KCNQ1: variants seen among roughly 807,000 people sequenced by gnomAD.
KCNQ1 encodes potassium voltage-gated channel subfamily Q member 1, also known as potassium voltage-gated channel subfamily KQT member 1.
In KCNQ1, 49 loss-of-function variants were observed where a neutral mutation model predicts 72.4. The ratio of observed to expected loss-of-function variants is 0.68; its 90% CI spans 0.54 to 0.86. The LOEUF (loss-of-function observed/expected upper bound fraction) is 0.86, where lower values mean the gene tolerates loss of function less well. Among genes scored for constraint, KCNQ1 ranks in the 40% least tolerant of loss-of-function variants. The pLI is 0.00. For synonymous variants in KCNQ1, 450 were observed against 412.6 expected, an observed-to-expected ratio of 1.09 and a Z score of -1.10; for missense variants, 790 against 945.1, an observed-to-expected ratio of 0.84 and a Z score of 2.15.
Position 2,559,855 on chromosome 11 carries a change from CTG to C in KCNQ1, c.478-10771_478-10770del, listed in dbSNP as rs952423536. Among the ~76,000 whole-genome samples the C allele has an allele frequency of 1.3e-5, 2 of 151,944 alleles. No homozygotes were observed. Among genetic ancestry groups the C allele is most frequent in the African/African-American group, 2.4e-5 (1 of 41,350 alleles). ...TGGGCAGGGGCTCCTTCCTCCCTCT[CTG>C]TCTCTGGGGTCCCATGGGAAGTCAG... is the stretch of plus-strand genomic sequence containing the variant. On this transcript the variant is annotated intron_variant, in intron 2 of 15. Coordinates refer to ENST00000155840, the MANE Select transcript of KCNQ1 (RefSeq NM_000218.3). The surrounding 1 kb of genome is among the most constrained non-coding windows in gnomAD (Gnocchi z 4.9).
At chr11:2,649,149 A>G (rs463337) in intron 10 of KCNQ1, 43,135 of 397,544 alleles carry the variant, frequency 0.11, 2,596 homozygotes, top group Middle Eastern at 0.16. Context: ...ATTGGGTTTT[A>G]TTTTTTTAAT....
Position 2,687,113 on chromosome 11 carries a change from C to T in KCNQ1, c.1514+25032C>T. The T allele has an allele frequency of 2.5e-6, 1 of 398,644 alleles. No homozygotes were observed. Among genetic ancestry groups the T allele is most frequent in the East Asian group, 3.6e-5 (1 of 28,072 alleles). The allele number at this position is 398,644 out of a possible 1,614,324, so 24.7% of individuals were successfully genotyped here. A position where few individuals can be genotyped will look rare whatever the true frequency, so the allele number is the denominator to read the frequency against. Reference sequence around the variant, plus strand: ...TGGGTGTGACAAGTACACCTTGACACACAAACTGCACAGGGAGGGGAGGAA... The same window carrying T: ...TGGGTGTGACAAGTACACCTTGACATACAAACTGCACAGGGAGGGGAGGAA... On this transcript the variant is annotated intron_variant, in intron 11 of 15. Coordinates refer to ENST00000155840, the MANE Select transcript of KCNQ1 (RefSeq NM_000218.3). This position sits in a 1 kb window ranked among gnomAD's most constrained non-coding sequence, Gnocchi z 5.0.
At chr11:2,797,401 C>G (rs1371950821) in intron 15 of KCNQ1, among the ~76,000 whole-genome samples, 1 of 152,224 alleles carries the variant, frequency 6.6e-6, no homozygotes, top group East Asian at 1.9e-4. Flanking sequence ...CTGAAGACAA[C>G]CTTTCCTTGG....
At position 2,664,369 on chromosome 11, in the gene KCNQ1, G is replaced by A. The variant is rs1202985247; in HGVS notation, c.1514+2288G>A. 3 of 398,772 alleles carry A rather than the reference G, an allele frequency of 7.5e-6. No homozygotes were observed. The highest frequency in any genetic ancestry group is 1.3e-5 in the Non-Finnish European group (3 of 226,256). 24.7% of individuals were successfully genotyped at this position (398,772 alleles called of 1,614,324 possible). A position where few individuals can be genotyped will look rare whatever the true frequency, so the allele number is the denominator to read the frequency against. On this transcript the variant is annotated intron_variant, in intron 11 of 15. Coordinates refer to ENST00000155840, the MANE Select transcript of KCNQ1 (RefSeq NM_000218.3). This position sits in a 1 kb window ranked among gnomAD's most constrained non-coding sequence, Gnocchi z 5.1. The stretch of plus-strand genomic sequence containing the variant: ...TGGGTTCCTGCATCCTCAGAAGTCA[G>A]GGTACGGTCCCTCCAGAGAGGCCTG...
At chr11:2,846,155 C>T (rs1439071078) in intron 15 of KCNQ1, among the ~76,000 whole-genome samples, 3 of 152,190 alleles carry the variant, frequency 2.0e-5, no homozygotes, top group South Asian at 4.1e-4. Context: ...GGACCAGGCC[C>T]GCCCGGCGCA....
rs1352338366 is a variant in KCNQ1 at position 2,670,854 on chromosome 11, TCACTGGCCAGTGGGC to T, written c.1514+8780_1514+8794del. The stretch of plus-strand genomic sequence containing the variant: ...CACCAGCCAAGGAGGTCAAAGGTCC[TCACTGGCCAGTGGGC>T]CACTGGGAAGCCTCCTGGATTGCCT... On this transcript the variant is annotated intron_variant, in intron 11 of 15. Coordinates refer to ENST00000155840, the MANE Select transcript of KCNQ1 (RefSeq NM_000218.3). This position sits in a 1 kb window ranked among gnomAD's most constrained non-coding sequence, Gnocchi z 4.9. 2.5e-6 allele frequency: 1 copy of T among 398,452 alleles called. No homozygotes were observed. The highest frequency in any genetic ancestry group is 2.1e-5 in the African/African-American group (1 of 48,618). 24.7% of individuals were successfully genotyped at this position (398,452 alleles called of 1,614,324 possible).
intron 6 of KCNQ1, among the ~76,000 whole-genome samples, chr11:2,580,600 T>C (rs61871515): frequency 0.098 from 14,976 of 152,204 alleles, 888 homozygotes; most frequent in East Asian, 0.19. Flanking sequence ...CAGGAGTGCC[T>C]GTTAGTGCCC....
Position 2,588,724 on chromosome 11 carries a change from A to T in KCNQ1, c.1263A>T (p.Lys421Asn), listed in dbSNP as rs765645573. 1 of 1,613,670 alleles carries T rather than the reference A, an allele frequency of 6.2e-7. No homozygotes were observed. The highest frequency in any genetic ancestry group is 8.5e-7 in the Non-Finnish European group (1 of 1,179,974). ...CTTGTTTTTTTTAGGTAAAGAAAAA[A>T]AAGTTCAAGCTGGACAAAGACAATG... ...KPKKSVVVKK[K>N]KFKLDKDNGV... Residue 421 changes from lysine (K) to asparagine (N), a missense_variant, in exon 10 of 16, where the codon AAA becomes AAT. Transcript: ENST00000155840. The surrounding 1 kb of genome is among the most constrained non-coding windows in gnomAD (Gnocchi z 5.6).
At position 2,488,862 on chromosome 11, in the gene KCNQ1, A is replaced by G. The variant is rs1846786248; in HGVS notation, c.387-39066A>G. ...CTATTTTGTTGGTCTCTGCTGTGGT[A>G]TTTATTATCTTCTTTCTTCTGCTAG... On this transcript the variant is annotated intron_variant, in intron 1 of 15. Coordinates refer to ENST00000155840, the MANE Select transcript of KCNQ1 (RefSeq NM_000218.3). The surrounding 1 kb of genome is among the most constrained non-coding windows in gnomAD (Gnocchi z 5.1). Among the ~76,000 whole-genome samples the G allele has an allele frequency of 6.6e-6, 1 of 152,024 alleles. No individual in the cohort carries two copies. Among genetic ancestry groups the G allele is most frequent in the South Asian group, 2.1e-4 (1 of 4,820 alleles).
rs1242559381 is a variant in KCNQ1, at chr11:2,538,492, G to A, written c.477+10474G>A. Among the ~76,000 whole-genome samples, 1 of 152,212 alleles carries A rather than the reference G, an allele frequency of 6.6e-6. No individual in the cohort carries two copies. Among genetic ancestry groups the A allele is most frequent in the African/African-American group, 2.4e-5 (1 of 41,456 alleles). On this transcript the variant is annotated intron_variant, in intron 2 of 15. Coordinates refer to ENST00000155840, the MANE Select transcript of KCNQ1 (RefSeq NM_000218.3). The surrounding 1 kb of genome is among the most constrained non-coding windows in gnomAD (Gnocchi z 6.7). The stretch of plus-strand genomic sequence containing the variant: ...CTGTCCCAGGACCGCGGTTGACAGG[G>A]TTTGGATTGGCTGCGTTCCTGTCTG...
At chr11:2,630,073 T>C (rs530997227) in intron 10 of KCNQ1, 4 of 398,416 alleles carry the variant, frequency 1.0e-5, no homozygotes, top group East Asian at 7.1e-5. Flanking sequence ...ATGGCCTTTA[T>C]TGTGTTGCAG....
Position 2,683,011 on chromosome 11 carries a change from T to C in KCNQ1, c.1514+20930T>C. 1 of 398,636 alleles carries C rather than the reference T, an allele frequency of 2.5e-6. No individual in the cohort carries two copies. The highest frequency in any genetic ancestry group is 4.4e-6 in the Non-Finnish European group (1 of 226,088). 24.7% of individuals were successfully genotyped at this position (398,636 alleles called of 1,614,324 possible). On this transcript the variant is annotated intron_variant, in intron 11 of 15. Transcript: ENST00000155840. This position sits in a 1 kb window ranked among gnomAD's most constrained non-coding sequence, Gnocchi z 4.7. ...TCTCCCTTGTGCTGTGCAGCCTTAG[T>C]TCTGCCTCCTGAGAGAGGTGACCTT... is the stretch of plus-strand genomic sequence containing the variant.
At chr11:2,540,537 C>T (rs970078626) in intron 2 of KCNQ1, among the ~76,000 whole-genome samples, 12 of 152,210 alleles carry the variant, frequency 7.9e-5, no homozygotes, top group Non-Finnish European at 1.0e-4. Context: ...GGGCCAGGGG[C>T]GGCCAGCAGC....
At chr11:2,631,853 A>G (rs1849358245) in intron 10 of KCNQ1, 1 of 398,364 alleles carries the variant, frequency 2.5e-6, no homozygotes, top group African/African-American at 2.1e-5. Flanking sequence ...TGTGTTAATA[A>G]TATCCCTTTC....
In KCNQ1 at chr11:2,712,967, CA is replaced by C. The variant is rs1278186821; in HGVS notation, c.1514+50887del. 6.6e-6 allele frequency among the ~76,000 whole-genome samples: 1 copy of C among 152,126 alleles called. No individual in the cohort carries two copies. The highest frequency in any genetic ancestry group is 1.5e-5 in the Non-Finnish European group (1 of 68,030). On this transcript the variant is annotated intron_variant, in intron 11 of 15. Coordinates refer to ENST00000155840, the MANE Select transcript of KCNQ1 (RefSeq NM_000218.3). This position sits in a 1 kb window ranked among gnomAD's most constrained non-coding sequence, Gnocchi z 6.4. Reference sequence around the variant, plus strand: ...CACCCGGGTTGTAAACAGGGTGGGGCAGGGGTCCTGGTAAGTATGAGGAACC... The same window carrying C: ...CACCCGGGTTGTAAACAGGGTGGGGCGGGGTCCTGGTAAGTATGAGGAACC...
chr11:2,650,544 A>T (rs1339542936), intron 10 of KCNQ1: 1 of 398,562 alleles, frequency 2.5e-6, no homozygotes, highest in Non-Finnish European at 4.4e-6. Flanking sequence ...CTGCAAGTTC[A>T]TCAGTGGCTT....
Position 2,475,853 on chromosome 11 carries a change from A to G in KCNQ1, c.386+30369A>G, listed in dbSNP as rs539302139. 6.6e-5 allele frequency among the ~76,000 whole-genome samples: 10 copies of G among 152,336 alleles called. No individual in the cohort carries two copies. Among genetic ancestry groups the G allele is most frequent in the Non-Finnish European group, 8.8e-5 (6 of 68,042 alleles). On this transcript the variant is annotated intron_variant, in intron 1 of 15. Transcript: ENST00000155840. This position sits in a 1 kb window ranked among gnomAD's most constrained non-coding sequence, Gnocchi z 5.8. ...ATGTTTTGCCTGCCACCATCCACGT[A>G]AGATGGGACTTGGTCCTCCTTGCCT...
intron 11 of KCNQ1, among the ~76,000 whole-genome samples, chr11:2,755,667 T>C (rs1846288069): frequency 6.6e-6 from 1 of 152,238 alleles, no homozygotes; most frequent in South Asian, 2.1e-4. Context: ...AAAGTCCCTT[T>C]TCCATATAAC....
intron 11 of KCNQ1, chr11:2,699,989 C>A: frequency 2.5e-6 from 1 of 398,286 alleles, no homozygotes; most frequent in East Asian, 3.6e-5. Context: ...ACGCGGCGAC[C>A]GTTCTGCCTG....
Sources: allele counts gnomAD v4.1 joint callset (sites outside exome capture counted in the v4.1 genomes callset), GRCh38; gene constraint gnomAD v4.1.1; non-coding constraint Gnocchi (gnomAD v3.1); transcripts MANE v1.5; gene names NCBI Gene and HGNC (gene_info 2026-07-23, HGNC 2026-07-21).